The following MYRFL variants were observed in gnomAD, a reference collection of about 807,000 sequenced individuals.
MYRFL encodes myelin regulatory factor-like protein.
Under a neutral mutation model 109.4 loss-of-function variants are expected in MYRFL, and 88 were observed. The ratio of observed to expected loss-of-function variants is 0.80; its 90% CI spans 0.68 to 0.96. The LOEUF (loss-of-function observed/expected upper bound fraction) is 0.96. Ranked by LOEUF, MYRFL falls within the 40% of genes least tolerant of loss-of-function variation. The probability of loss-of-function intolerance (pLI) is 0.00; values close to 1 mark genes in which losing one functional copy is unlikely to be tolerated. For missense variants in MYRFL, 957 were observed against 954.9 expected, an observed-to-expected ratio of 1.00 and a Z score of -0.03; for synonymous variants, 324 against 320.9, an observed-to-expected ratio of 1.01 and a Z score of -0.10.
At chr12:69,879,651 G>A (rs774714109) in intron 4 of MYRFL, among the ~76,000 whole-genome samples, 198 bp downstream of exon 4, 6 of 152,070 alleles carry the variant, frequency 3.9e-5, no homozygotes, top group Non-Finnish European at 8.8e-5. Context: ...CAAATCCAAG[G>A]TCCTCATTCA....
At chr12:69,877,035 T>TCTTTCTTTCTTTCTTTCTTTCTTTCTTTC (rs1478142590) in intron 2 of MYRFL, among the ~76,000 whole-genome samples, 5 of 73,952 alleles carry the variant, frequency 6.8e-5, no homozygotes, top group Non-Finnish European at 1.3e-4. Flanking sequence ...TTTTTTTTTT[T>TCTTTCTTTCTTTCTTTCTTTCTTTCTTTC]TTTTTTGAGA....
At chr12:69,832,366 A>G (rs1882681780) in intron 1 of MYRFL, among the ~76,000 whole-genome samples, 1 of 152,188 alleles carries the variant, frequency 6.6e-6, no homozygotes, top group Non-Finnish European at 1.5e-5. Context: ...AGAGCCAGGG[A>G]CTCTGTGATG....
chr12:69,932,646 C>A (rs1404035431), intron 16 of MYRFL, 48 bp downstream of exon 16: 1 of 1,382,022 alleles, frequency 7.2e-7, no homozygotes, highest in Non-Finnish European at 9.9e-7. Context: ...TTTGTTCCTT[C>A]CCATGTTTCT....
intron 4 of MYRFL, among the ~76,000 whole-genome samples, chr12:69,879,897 T>TGTG (rs1357832136): frequency 6.6e-6 from 1 of 152,220 alleles, no homozygotes; most frequent in Non-Finnish European, 1.5e-5. Flanking sequence ...TATCAAAAAT[T>TGTG]GTGGTAAAAC....
chr12:69,860,446 T>TA (rs1446520415), intron 2 of MYRFL, among the ~76,000 whole-genome samples: 2 of 152,198 alleles, frequency 1.3e-5, no homozygotes, highest in African/African-American at 2.4e-5. Context: ...TGCCATCCTT[T>TA]AATTGTAACC....
At chr12:69,850,966 G>A (rs906937108) in intron 1 of MYRFL, among the ~76,000 whole-genome samples, 12 of 151,864 alleles carry the variant, frequency 7.9e-5, no homozygotes, top group South Asian at 2.1e-4. Flanking sequence ...GAAATTCACC[G>A]CATACAAGAT....
intron 6 of MYRFL, 138 bp downstream of exon 6, chr12:69,887,108 C>T: frequency 1.2e-6 from 1 of 851,004 alleles, no homozygotes; most frequent in Non-Finnish European, 1.7e-6. Context: ...TCTTACTCCT[C>T]ATTTTTTACA....
chr12:69,867,132 G>T (rs1320667972), intron 2 of MYRFL, among the ~76,000 whole-genome samples: 1 of 152,208 alleles, frequency 6.6e-6, no homozygotes, highest in Non-Finnish European at 1.5e-5. Flanking sequence ...TGGGTTAGTT[G>T]TCTGCTTAGG....
chr12:69,940,869 G>T (rs1374153003), intron 19 of MYRFL, among the ~76,000 whole-genome samples: 2 of 117,126 alleles, frequency 1.7e-5, no homozygotes, highest in Admixed American at 1.9e-4. Context: ...ACAAAAAAAG[G>T]CAGGGGTTGC....
intron 1 of MYRFL, among the ~76,000 whole-genome samples, chr12:69,833,127 A>G (rs1361338772): frequency 6.6e-6 from 1 of 152,140 alleles, no homozygotes; most frequent in Admixed American, 6.6e-5. Context: ...GGGAATCATC[A>G]GCTTAAAGAG....
At chr12:69,888,241 T>G (rs1224971168) in intron 6 of MYRFL, among the ~76,000 whole-genome samples, 1 of 152,182 alleles carries the variant, frequency 6.6e-6, no homozygotes, top group Non-Finnish European at 1.5e-5. Context: ...CAGATTTATG[T>G]TGAGTATTTA....
At chr12:69,868,208 G>A (rs1885125129) in intron 2 of MYRFL, among the ~76,000 whole-genome samples, 1 of 151,110 alleles carries the variant, frequency 6.6e-6, no homozygotes, top group Non-Finnish European at 1.5e-5. Flanking sequence ...CCAGGTTCAA[G>A]CAATTCTCCT....
At chr12:69,891,492 G>A (rs1189843207) in intron 7 of MYRFL, among the ~76,000 whole-genome samples, 1 of 152,170 alleles carries the variant, frequency 6.6e-6, no homozygotes, top group Non-Finnish European at 1.5e-5. Flanking sequence ...GATAGCTTGT[G>A]TTTCTTCACA....
intron 1 of MYRFL, among the ~76,000 whole-genome samples, chr12:69,853,198 G>T (rs1240247): frequency 6.6e-6 from 1 of 151,072 alleles, no homozygotes; most frequent in Non-Finnish European, 1.5e-5. Flanking sequence ...GGACGGGGCA[G>T]CTGCCGGGCA....
intron 15 of MYRFL, among the ~76,000 whole-genome samples, chr12:69,929,960 G>A (rs1222557978): frequency 2.0e-5 from 3 of 152,246 alleles, no homozygotes; most frequent in Admixed American, 2.0e-4. Context: ...TGTTATTAAT[G>A]TGTTCAAACT....
chr12:69,865,115 T>C (rs1014231929), intron 2 of MYRFL, among the ~76,000 whole-genome samples: 3 of 152,182 alleles, frequency 2.0e-5, no homozygotes, highest in Non-Finnish European at 2.9e-5. Context: ...AACACTCCTA[T>C]AACAAAAGAC....
At chr12:69,907,506 G>T (rs1438935739) in intron 11 of MYRFL, among the ~76,000 whole-genome samples, 1 of 152,070 alleles carries the variant, frequency 6.6e-6, no homozygotes, top group African/African-American at 2.4e-5. Flanking sequence ...GGAACAAAGG[G>T]GAAAATAGGG....
In MYRFL at chr12:69,908,827, G is replaced by T. The variant is rs370759322; in HGVS notation, c.1384-1142G>T. Among the ~76,000 whole-genome samples the T allele has an allele frequency of 3.3e-5, 5 of 152,080 alleles. No homozygotes were observed. The East Asian group carries it at 5.8e-4, about 18-fold the overall frequency. The stretch of plus-strand genomic sequence containing the variant: ...ACATAGGTAAACTTGTGTCATGGGG[G>T]TCTGTTGTACAGATTGTTTCATCAC... On this transcript the variant is annotated intron_variant, in intron 11 of 24. Transcript: ENST00000552032.
intron 2 of MYRFL, among the ~76,000 whole-genome samples, chr12:69,872,888 T>C (rs532645300): frequency 6.6e-6 from 1 of 152,250 alleles, no homozygotes; most frequent in Non-Finnish European, 1.5e-5. Context: ...TGCCTCAGCG[T>C]CCCAAAGCAC....
Sources: allele counts gnomAD v4.1 joint callset (sites outside exome capture counted in the v4.1 genomes callset), GRCh38; gene constraint gnomAD v4.1.1; transcripts MANE v1.5; gene names NCBI Gene and HGNC (gene_info 2026-07-23, HGNC 2026-07-21).